Variants in DAB1 observed in about 807,000 individuals in gnomAD.
DAB1 encodes the protein DAB adaptor protein 1, also known as disabled homolog 1.
Under a neutral mutation model 64.6 loss-of-function variants are expected in DAB1, and 15 were observed. The observed-to-expected ratio is 0.23, with a 90% CI of 0.16 to 0.36. The LOEUF (loss-of-function observed/expected upper bound fraction) is 0.36, where lower values mean the gene tolerates loss of function less well. Among genes scored for constraint, DAB1 ranks in the 10% least tolerant of loss-of-function variants. The pLI, the probability that DAB1 is intolerant of heterozygous loss-of-function variation, is 1.00. For missense variants in DAB1, 596 were observed against 706.7 expected (o/e 0.84, Z 1.78); for synonymous variants, 235 against 251.9 (o/e 0.93, Z 0.64).
intron 4 of DAB1, among the ~76,000 whole-genome samples, chr1:58,244,020 A>C (rs1660420236): frequency 6.6e-6 from 1 of 152,204 alleles, no homozygotes; most frequent in African/African-American, 2.4e-5. Context: ...AGTGAAAAAA[A>C]GAGTCTAAAG....
chr1:57,570,237 G>C (rs1470122726), intron 7 of DAB1, among the ~76,000 whole-genome samples: 1 of 152,112 alleles, frequency 6.6e-6, no homozygotes, highest in African/African-American at 2.4e-5. Context: ...TAGCTTCCCA[G>C]CCTACAATTT....
intron 1 of DAB1, among the ~76,000 whole-genome samples, chr1:57,301,424 A>C (rs1673644384): frequency 6.6e-6 from 1 of 152,140 alleles, no homozygotes; most frequent in Admixed American, 6.5e-5. Flanking sequence ...GAGGGGAGGA[A>C]GGCTTACTGT....
chr1:58,180,591 G>T (rs534285224), intron 4 of DAB1, among the ~76,000 whole-genome samples: 1 of 151,920 alleles, frequency 6.6e-6, no homozygotes, highest in African/African-American at 2.4e-5. Flanking sequence ...CACTGTGCCT[G>T]GCCTCCTTTA....
chr1:58,397,992 A>T (rs1054442159), intron 3 of DAB1, among the ~76,000 whole-genome samples: 1 of 152,112 alleles, frequency 6.6e-6, no homozygotes, highest in African/African-American at 2.4e-5. Context: ...TCTTCATCCC[A>T]CACCCTTGGA....
At chr1:58,529,423 T>C (rs950216025) in intron 1 of DAB1, among the ~76,000 whole-genome samples, 7 of 152,254 alleles carry the variant, frequency 4.6e-5, no homozygotes, top group Non-Finnish European at 8.8e-5. Context: ...AGACCTACTT[T>C]CAGTATTACA....
chr1:57,876,160 G>A (rs1644042473), intron 1 of DAB1: 1 of 152,178 alleles, frequency 6.6e-6, no homozygotes, highest in South Asian at 2.1e-4. Flanking sequence ...CCTTTAGGCT[G>A]AATGTTCAAG....
At chr1:57,615,206 G>A (rs772845354) in intron 7 of DAB1, among the ~76,000 whole-genome samples, 11 of 152,090 alleles carry the variant, frequency 7.2e-5, no homozygotes, top group Non-Finnish European at 1.3e-4. Context: ...ATTCTTCCAG[G>A]CCTGTGCCCT....
chr1:58,108,569 G>A (rs913713613), intron 5 of DAB1, among the ~76,000 whole-genome samples: 1 of 152,090 alleles, frequency 6.6e-6, no homozygotes, highest in Non-Finnish European at 1.5e-5. Context: ...AGACCCATTG[G>A]AACCTTACTA....
At chr1:57,800,556 T>C (rs1651075155) in intron 6 of DAB1, among the ~76,000 whole-genome samples, 1 of 152,180 alleles carries the variant, frequency 6.6e-6, no homozygotes, top group Non-Finnish European at 1.5e-5. Flanking sequence ...ACCTTCCCCA[T>C]GCGATGGTAA....
At chr1:57,718,589 C>A (rs1224311749) in intron 6 of DAB1, among the ~76,000 whole-genome samples, 2 of 152,044 alleles carry the variant, frequency 1.3e-5, no homozygotes, top group Non-Finnish European at 2.9e-5. Context: ...AATGCAGGAT[C>A]AGTTACATTT....
At chr1:57,569,446 A>G (rs1645166462) in intron 7 of DAB1, among the ~76,000 whole-genome samples, 1 of 152,136 alleles carries the variant, frequency 6.6e-6, no homozygotes, top group African/African-American at 2.4e-5. Context: ...AGGGACATGG[A>G]TGAAGCTGGA....
intron 5 of DAB1, among the ~76,000 whole-genome samples, chr1:58,085,692 T>A (rs945061644): frequency 2.0e-5 from 3 of 151,456 alleles, no homozygotes; most frequent in African/African-American, 7.3e-5. Context: ...ATACAATCAG[T>A]CTCTTTTAAA....
intron 2 of DAB1, among the ~76,000 whole-genome samples, chr1:58,525,226 A>G (rs1221303006): frequency 4.6e-5 from 7 of 152,174 alleles, no homozygotes; most frequent in African/African-American, 1.7e-4. Flanking sequence ...AATTTTTTCA[A>G]TATTTCTAAG....
chr1:58,268,206 T>C (rs1661220639), intron 4 of DAB1, among the ~76,000 whole-genome samples: 1 of 152,176 alleles, frequency 6.6e-6, no homozygotes, highest in African/African-American at 2.4e-5. Flanking sequence ...AGCCATATTT[T>C]AAATCATAAG....
At chr1:58,414,075 T>A (rs892684502) in intron 3 of DAB1, among the ~76,000 whole-genome samples, 2 of 152,150 alleles carry the variant, frequency 1.3e-5, no homozygotes, top group Non-Finnish European at 2.9e-5. Context: ...TCTAAACATA[T>A]CTAAATATAG....
intron 3 of DAB1, among the ~76,000 whole-genome samples, chr1:58,359,893 C>T (rs1644148357): frequency 6.6e-6 from 1 of 152,170 alleles, no homozygotes; most frequent in Non-Finnish European, 1.5e-5. Flanking sequence ...CCTGCTTCAT[C>T]ACTTACTCTT....
At chr1:58,422,567 T>C (rs937241347) in intron 3 of DAB1, among the ~76,000 whole-genome samples, 4 of 151,388 alleles carry the variant, frequency 2.6e-5, no homozygotes, top group African/African-American at 9.7e-5. Flanking sequence ...GTCAGGAAGC[T>C]ATGTGATGAG....
At chr1:58,074,564 G>GTGTGTATATATATATATATATATATA (rs1332531604) in intron 5 of DAB1, 2 of 91,640 alleles carry the variant, frequency 2.2e-5, no homozygotes, top group African/African-American at 8.7e-5. Context: ...ATATATGTGT[G>GTGTGTATATATATATATATATATATA]TATATATATA....
At chr1:57,062,194 G>T (rs150334858) in intron 9 of DAB1, among the ~76,000 whole-genome samples, 2 of 152,164 alleles carry the variant, frequency 1.3e-5, no homozygotes, top group Admixed American at 1.3e-4. Context: ...GGCACATGGG[G>T]TCCAGATCCA....
Sources: allele counts gnomAD v4.1 joint callset (sites outside exome capture counted in the v4.1 genomes callset), GRCh38; gene constraint gnomAD v4.1.1; transcripts MANE v1.5; gene names NCBI Gene and HGNC (gene_info 2026-07-23, HGNC 2026-07-21).